Variants in USP34 observed in about 807,000 individuals in gnomAD.
The protein encoded by USP34 is ubiquitin carboxyl-terminal hydrolase 34.
In USP34, 70 loss-of-function variants were observed where a neutral mutation model predicts 460.3. That is an observed-to-expected ratio of 0.15 (90% CI 0.13 to 0.19). USP34 has a LOEUF of 0.19. Among genes scored for constraint, USP34 ranks in the 10% least tolerant of loss-of-function variants. USP34 has a pLI of 1.00. For synonymous variants in USP34, 1,647 were observed against 1,405.3 expected (o/e 1.17, Z -3.85); for missense variants, 3,985 against 4,236.2 (o/e 0.94, Z 1.65).
intron 62 of USP34, chr2:61,223,581 T>A (rs1468986036): frequency 3.5e-6 from 1 of 287,582 alleles, no homozygotes; most frequent in East Asian, 7.4e-5. Context: ...TACTTTTTTT[T>A]TTTTTTGACA....
Position 61,210,524 on chromosome 2 carries a change from A to C in USP34, c.8840+1248T>G, listed in dbSNP as rs182980550. Reference sequence around the variant, plus strand: ...ACTCTGATGTTTGCACAATGATGAAATAGGCTAAAAATTTATTTCTCAGAA... The same window carrying C: ...ACTCTGATGTTTGCACAATGATGAACTAGGCTAAAAATTTATTTCTCAGAA... On this transcript the variant is annotated intron_variant, in intron 69 of 79. Coordinates refer to ENST00000398571, the MANE Select transcript of USP34 (RefSeq NM_014709.4). Among the ~76,000 whole-genome samples the C allele has an allele frequency of 3.7e-3, 565 of 152,268 alleles. 5 individuals carry two copies. Among genetic ancestry groups the C allele is most frequent in the African/African-American group, 0.013 (532 of 41,550 alleles).
Position 61,281,170 on chromosome 2 carries a change from T to C in USP34, c.5071A>G (p.Ile1691Val), listed in dbSNP as rs768411889. ...GCCAATAGCAGAAAAGAACGATTGATTGAGTCTCCTCCATCCAGCCCTGAC... is the reference window on the plus strand; with the variant it reads ...GCCAATAGCAGAAAAGAACGATTGACTGAGTCTCCTCCATCCAGCCCTGAC... ...SLSGLDGGDS[I>V]NRSFLLLAAS... is the part of the protein sequence containing the mutation. Residue 1691 changes from isoleucine (I) to valine (V), a missense_variant, in exon 38 of 80, where the codon ATC becomes GTC. Transcript: ENST00000398571. 5.0e-6 allele frequency: 8 copies of C among 1,614,044 alleles called. No individual in the cohort carries two copies. Among genetic ancestry groups the C allele is most frequent in the African/African-American group, 1.3e-5 (1 of 75,050 alleles).
intron 34 of USP34, among the ~76,000 whole-genome samples, chr2:61,287,815 T>C (rs975990877): frequency 6.6e-6 from 1 of 152,206 alleles, no homozygotes; most frequent in Non-Finnish European, 1.5e-5. Flanking sequence ...TCAAAAGTTA[T>C]ATACAGATTT....
rs772957382 is a variant in USP34, at chr2:61,295,273, A to G, written c.4272T>C (p.Asn1424=). The change falls in exon 31 of 80, where the codon AAT becomes AAC. Residue 1424 remains asparagine (N), a synonymous_variant. Coordinates refer to ENST00000398571, the MANE Select transcript of USP34 (RefSeq NM_014709.4). ...TCTTAATTTTGAGAAGTTCTTTCCA[A>G]TTAAATCCATCATTACTCTTAAATT... ...ISDEQSNDGF[N]WKELLKIKSA... is the part of the protein sequence containing the mutation. The G allele has an allele frequency of 1.1e-5, 18 of 1,603,732 alleles. No homozygotes were observed. In the South Asian group the frequency reaches 1.4e-4, roughly 12 times the overall value.
intron 5 of USP34, among the ~76,000 whole-genome samples, chr2:61,384,722 T>C (rs967992159): frequency 6.6e-6 from 1 of 152,084 alleles, no homozygotes; most frequent in Non-Finnish European, 1.5e-5. Context: ...GAATTCAGAA[T>C]GTAGGGATTC....
intron 2 of USP34, among the ~76,000 whole-genome samples, chr2:61,407,373 G>C (rs999535647): frequency 1.3e-5 from 2 of 152,166 alleles, no homozygotes; most frequent in African/African-American, 4.8e-5. Flanking sequence ...AAAAAGGCAG[G>C]GAACGGTCTG....
intron 8 of USP34, among the ~76,000 whole-genome samples, chr2:61,371,334 T>C (rs1484729941): frequency 6.6e-6 from 1 of 152,000 alleles, no homozygotes; most frequent in East Asian, 1.9e-4. Flanking sequence ...CTGTTGCTGG[T>C]TTATGTATTT....
At chr2:61,298,630 G>GT (rs985699296) in intron 29 of USP34, among the ~76,000 whole-genome samples, 5 of 140,010 alleles carry the variant, frequency 3.6e-5, no homozygotes, top group South Asian at 4.7e-4. Flanking sequence ...TCAGACTAAC[G>GT]TAACAGCCTA....
intron 1 of USP34, among the ~76,000 whole-genome samples, chr2:61,433,870 C>G (rs1160510165): frequency 6.6e-6 from 1 of 152,160 alleles, no homozygotes; most frequent in Non-Finnish European, 1.5e-5. Flanking sequence ...TGCACCTCTG[C>G]AGCACTTCAG....
chr2:61,434,269 T>C (rs1393780344), intron 1 of USP34, among the ~76,000 whole-genome samples: 2 of 151,792 alleles, frequency 1.3e-5, no homozygotes, highest in East Asian at 3.9e-4. Context: ...CTGATGGGCA[T>C]CCCCCCAGGC....
At chr2:61,305,105 C>T (rs1004286198) in intron 27 of USP34, among the ~76,000 whole-genome samples, 2 of 152,146 alleles carry the variant, frequency 1.3e-5, no homozygotes, top group Non-Finnish European at 2.9e-5. Flanking sequence ...GTGGGCCGAT[C>T]ATGAGGTCAG....
At chr2:61,453,531 G>A (rs1695345186) in intron 1 of USP34, among the ~76,000 whole-genome samples, 1 of 151,566 alleles carries the variant, frequency 6.6e-6, no homozygotes, top group Admixed American at 6.6e-5. Context: ...CCAATATGGT[G>A]AAACCCCATC....
intron 29 of USP34, among the ~76,000 whole-genome samples, chr2:61,299,219 C>T (rs991814655): frequency 2.0e-5 from 3 of 152,006 alleles, no homozygotes; most frequent in African/African-American, 4.8e-5. Context: ...ATCATGGAAA[C>T]GGGAAGAAGT....
At chr2:61,189,269 TTTG>T (rs1686547907) in intron 78 of USP34, 200 bp from the exon 79 acceptor site, 7 of 548,040 alleles carry the variant, frequency 1.3e-5, no homozygotes, top group East Asian at 3.4e-5. Flanking sequence ...GTTTTTTTTT[TTTG>T]TTTTGTTTTT....
At chr2:61,465,679 T>A (rs958682295) in intron 1 of USP34, among the ~76,000 whole-genome samples, 3 of 151,886 alleles carry the variant, frequency 2.0e-5, no homozygotes, top group Admixed American at 1.3e-4. Flanking sequence ...CCTGTCTCTA[T>A]TAATAAACAA....
intron 13 of USP34, 97 bp from the exon 14 acceptor site, chr2:61,348,983 AGCTTTAT>A: frequency 7.3e-7 from 1 of 1,361,572 alleles, no homozygotes; most frequent in South Asian, 1.6e-5. Flanking sequence ...TAGTTACCAA[AGCTTTAT>A]GCTAAGTAGC....
chr2:61,281,381 G>A, intron 37 of USP34, 139 bp from the exon 38 acceptor site: 1 of 1,106,264 alleles, frequency 9.0e-7, no homozygotes, highest in Non-Finnish European at 1.3e-6. Context: ...GGAGGCCCAG[G>A]CAGGAGGATA....
At chr2:61,381,305 G>A (rs554526600) in intron 6 of USP34, among the ~76,000 whole-genome samples, 2 of 151,452 alleles carry the variant, frequency 1.3e-5, no homozygotes, top group Admixed American at 6.6e-5. Context: ...TAGCTAACCA[G>A]AGAACTGTGA....
In USP34 at chr2:61,383,474, G is replaced by T. The variant is rs137993606; in HGVS notation, c.754-138C>A. 1,057 of 513,418 alleles carry T rather than the reference G, an allele frequency of 2.1e-3. 16 individuals carry two copies. In the East Asian group the frequency reaches 0.032, roughly 16 times the overall value. The allele number at this position is 513,418 out of a possible 1,614,324, so 31.8% of individuals were successfully genotyped here. ...AATCCCAGCACTTTGGGAGGCTGAGGTGGGCAGATCCGAAGGTCAGGAGTT... is the reference window on the plus strand; with the variant it reads ...AATCCCAGCACTTTGGGAGGCTGAGTTGGGCAGATCCGAAGGTCAGGAGTT... On this transcript the variant is annotated intron_variant, in intron 5 of 79. Coordinates refer to ENST00000398571, the MANE Select transcript of USP34 (RefSeq NM_014709.4).
Sources: gnomAD v4.1 joint callset for allele counts (sites outside exome capture counted in the v4.1 genomes callset) on GRCh38, gnomAD v4.1.1 for gene constraint, MANE v1.5 for transcripts, NCBI Gene and HGNC (gene_info 2026-07-23, HGNC 2026-07-21) for gene names.